The following GPC6 variants were observed in gnomAD, a reference collection of about 807,000 sequenced individuals.
GPC6 encodes glypican-6.
GPC6 carries 14 observed loss-of-function variants against 55.2 expected under a neutral mutation model. That is an observed-to-expected ratio of 0.25 (90% CI 0.17 to 0.40). The LOEUF is 0.40. GPC6 is among the 10% of genes least tolerant of loss of function. The pLI is 1.00. For missense variants in GPC6, 641 were observed against 708.5 expected (o/e 0.90, Z 1.08); for synonymous variants, 278 against 259.6 (o/e 1.07, Z -0.68).
chr13:93,220,917 A>T, the GPC6 span, among the ~76,000 whole-genome samples: 1 of 150,224 alleles, frequency 6.7e-6, no homozygotes, highest in East Asian at 1.9e-4. Flanking sequence ...ATGGGCTCTT[A>T]CTGTCACCCA....
chr13:94,045,985 C>T (rs1355548583), intron 4 of GPC6, among the ~76,000 whole-genome samples: 1 of 151,936 alleles, frequency 6.6e-6, no homozygotes, highest in Non-Finnish European at 1.5e-5. Context: ...AACTGAGTCT[C>T]AGAGAGTTCG....
intron 6 of GPC6, among the ~76,000 whole-genome samples, chr13:94,329,884 C>A (rs1041511112): frequency 1.3e-5 from 2 of 152,078 alleles, no homozygotes; most frequent in African/African-American, 4.8e-5. Flanking sequence ...TTTGAACCTC[C>A]CAAGAGGCAG....
At chr13:94,014,522 C>G (rs1159956276) in intron 3 of GPC6, among the ~76,000 whole-genome samples, 2 of 152,142 alleles carry the variant, frequency 1.3e-5, no homozygotes, top group African/African-American at 2.4e-5. Context: ...TATCAAGATA[C>G]ATTTTATGTA....
At chr13:94,324,614 AGGCACAAAGTTAAGACTTAC>A (rs1021876605) in intron 6 of GPC6, among the ~76,000 whole-genome samples, 6 of 152,094 alleles carry the variant, frequency 3.9e-5, no homozygotes, top group Admixed American at 1.3e-4. Context: ...AGAGAAACAG[AGGCACAAAGTTAAGACTTAC>A]GGCACAAAGA....
At position 94,321,266 on chromosome 13, in the gene GPC6, G is replaced by A. The variant is rs556668408; in HGVS notation, c.1152+15143G>A. 2.5e-4 allele frequency among the ~76,000 whole-genome samples: 38 copies of A among 152,272 alleles called. 1 individual carries two copies. The South Asian group carries it at 3.9e-3, about 16-fold the overall frequency. ...ACATGACCTCATTGTTTATGGCTGC[G>A]TAGTATTTCATGGTGTATATGTACC... is the stretch of plus-strand genomic sequence containing the variant. On this transcript the variant is annotated intron_variant, in intron 6 of 8. Transcript: ENST00000377047.
intron 4 of GPC6, among the ~76,000 whole-genome samples, chr13:94,144,554 TG>T (rs1887496875): frequency 5.5e-5 from 1 of 18,252 alleles, no homozygotes; most frequent in African/African-American, 1.4e-4. Flanking sequence ...TGTATGTGTG[TG>T]TGTGTGTGTG....
intron 6 of GPC6, among the ~76,000 whole-genome samples, chr13:94,340,363 A>G (rs1877968113): frequency 6.6e-6 from 1 of 152,218 alleles, no homozygotes; most frequent in Non-Finnish European, 1.5e-5. Flanking sequence ...ACCAATTATC[A>G]AGAATTAGAA....
intron 2 of GPC6, among the ~76,000 whole-genome samples, chr13:93,823,290 G>A (rs1424040920): frequency 6.6e-6 from 1 of 151,852 alleles, no homozygotes; most frequent in East Asian, 1.9e-4. Context: ...TCATATCATG[G>A]TCTGAAAATT....
rs142222779 is a variant in GPC6 at position 94,386,155 on chromosome 13, C to T, written c.1289+3605C>T. ...CGGGCGGATGATGAGGTCAGCAGAT[C>T]GAGACCATCCTGGCTAACATGGTGA... is the stretch of plus-strand genomic sequence containing the variant. On this transcript the variant is annotated intron_variant, in intron 7 of 8. Coordinates refer to ENST00000377047, the MANE Select transcript of GPC6 (RefSeq NM_005708.5). Among the ~76,000 whole-genome samples, 30 of 151,812 alleles carry T rather than the reference C, an allele frequency of 2.0e-4. No individual in the cohort carries two copies. The East Asian group carries it at 5.5e-3, about 28-fold the overall frequency.
rs533626716 is a variant in GPC6, at chr13:93,227,683, G to A, written c.160+67G>A. On this transcript the variant is annotated intron_variant, in intron 1 of 8. Transcript: ENST00000377047. This position sits in a 1 kb window ranked among gnomAD's most constrained non-coding sequence, Gnocchi z 4.3. ...CTGCCGCACGTCCCACTGGCCGCCCGGCGTCCCCTTCCTTCCCCCTGTTGC... is the reference window on the plus strand; with the variant it reads ...CTGCCGCACGTCCCACTGGCCGCCCAGCGTCCCCTTCCTTCCCCCTGTTGC... The A allele has an allele frequency of 1.3e-5, 17 of 1,299,548 alleles. No homozygotes were observed. Among genetic ancestry groups the A allele is most frequent in the Non-Finnish European group, 1.6e-5 (15 of 936,348 alleles). The allele number at this position is 1,299,548 out of a possible 1,614,324, so 80.5% of individuals were successfully genotyped here.
At chr13:94,134,945 A>G (rs1331166107) in intron 4 of GPC6, among the ~76,000 whole-genome samples, 1 of 152,182 alleles carries the variant, frequency 6.6e-6, no homozygotes, top group Non-Finnish European at 1.5e-5. Flanking sequence ...TTCAGCAGCA[A>G]AGTCTGAAAT....
intron 3 of GPC6, among the ~76,000 whole-genome samples, chr13:93,939,562 A>G (rs79754364): frequency 0.019 from 2,958 of 152,098 alleles, 111 homozygotes; most frequent in African/African-American, 0.067. Flanking sequence ...TTTTTCAATT[A>G]TTTATCTCAG....
intron 4 of GPC6, among the ~76,000 whole-genome samples, chr13:94,236,500 T>C (rs1162291854): frequency 6.6e-6 from 1 of 152,104 alleles, no homozygotes; most frequent in African/African-American, 2.4e-5. Flanking sequence ...TCAGAACATG[T>C]AGAGACATCA....
intron 2 of GPC6, among the ~76,000 whole-genome samples, chr13:93,784,072 C>G (rs780898211): frequency 3.9e-5 from 6 of 152,042 alleles, no homozygotes; most frequent in Non-Finnish European, 8.8e-5. Context: ...CTGCAGTGTC[C>G]CTATGCCTAA....
intron 1 of GPC6, among the ~76,000 whole-genome samples, chr13:93,363,293 C>A (rs958504359): frequency 6.7e-6 from 1 of 150,178 alleles, no homozygotes; most frequent in Non-Finnish European, 1.5e-5. Context: ...CCTCCCCCCA[C>A]CCCACAACAG....
chr13:93,368,214 TTCTA>T (rs1166567199), intron 1 of GPC6, among the ~76,000 whole-genome samples: 1 of 151,958 alleles, frequency 6.6e-6, no homozygotes, highest in Non-Finnish European at 1.5e-5. Flanking sequence ...TCTGAGTCTA[TTCTA>T]TCTAATATTA....
At chr13:93,923,323 C>T (rs139090957) in intron 3 of GPC6, among the ~76,000 whole-genome samples, 99 of 152,198 alleles carry the variant, frequency 6.5e-4, no homozygotes, top group Middle Eastern at 6.8e-3. Context: ...AGTAATTGTT[C>T]GGGGAAAAGG....
At chr13:93,778,934 A>G (rs1885550470) in intron 2 of GPC6, among the ~76,000 whole-genome samples, 1 of 152,228 alleles carries the variant, frequency 6.6e-6, no homozygotes, top group Non-Finnish European at 1.5e-5. Context: ...CAATCCAAGT[A>G]GAACAAATCA....
intron 2 of GPC6, among the ~76,000 whole-genome samples, chr13:93,619,783 G>GT (rs1194206344): frequency 3.3e-5 from 5 of 151,910 alleles, no homozygotes; most frequent in African/African-American, 1.2e-4. Context: ...TATTATTTGT[G>GT]TTTTTTGCTT....
Sources: gnomAD v4.1 joint callset for allele counts (sites outside exome capture counted in the v4.1 genomes callset) on GRCh38, gnomAD v4.1.1 for gene constraint, Gnocchi (gnomAD v3.1) non-coding constraint, MANE v1.5 for transcripts, NCBI Gene and HGNC (gene_info 2026-07-23, HGNC 2026-07-21) for gene names.